The following SLIT3 variants were observed in gnomAD, a reference collection of about 807,000 sequenced individuals.
SLIT3 encodes slit guidance ligand 3, also known as slit homolog 3 protein.
In SLIT3, 68 loss-of-function variants were observed where a neutral mutation model predicts 184.0. The ratio of observed to expected loss-of-function variants is 0.37; its 90% CI spans 0.30 to 0.45. SLIT3 has a LOEUF of 0.45. SLIT3 is among the 20% of genes least tolerant of loss of function. The pLI is 1.00. For synonymous variants in SLIT3, 831 were observed against 828.6 expected (o/e 1.00, Z -0.05); for missense variants, 1,707 against 2,026.0 (o/e 0.84, Z 3.02).
intron 4 of SLIT3, among the ~76,000 whole-genome samples, chr5:168,997,762 CG>C (rs955623612): frequency 1.4e-4 from 22 of 152,244 alleles, no homozygotes; most frequent in African/African-American, 5.3e-4. Flanking sequence ...GCAACTGGCA[CG>C]GCATTTCCAA....
intron 4 of SLIT3, among the ~76,000 whole-genome samples, chr5:169,097,914 G>T (rs999474717): frequency 6.6e-6 from 1 of 152,210 alleles, no homozygotes; most frequent in Non-Finnish European, 1.5e-5. Flanking sequence ...CAAGGCCTGA[G>T]CTTTTAAAAA....
chr5:169,008,775 A>C (rs1444186663), intron 4 of SLIT3, among the ~76,000 whole-genome samples: 2 of 152,204 alleles, frequency 1.3e-5, no homozygotes, highest in African/African-American at 4.8e-5. Context: ...TCAAATGGAA[A>C]GTATTCCTGC....
Position 168,760,868 on chromosome 5 carries a change from C to T in SLIT3, c.1679G>A (p.Arg560Gln), listed in dbSNP as rs755024709. 78 of 1,612,760 alleles carry T rather than the reference C, an allele frequency of 4.8e-5. 3 individuals carry two copies. The Middle Eastern group carries it at 6.5e-3, about 133-fold the overall frequency. ...TGIFKKLPNL[R>Q]KINLSNNKIK... ...GTTCCTGAAGTTGACTTACATTTTCCGCAGGTTGGGCAACTTCTTGAAGAT... is the reference window on the plus strand; with the variant it reads ...GTTCCTGAAGTTGACTTACATTTTCTGCAGGTTGGGCAACTTCTTGAAGAT... Residue 560 changes from arginine (R) to glutamine (Q), a missense_variant, in exon 16 of 36, where the codon CGG (arginine) becomes CAG (glutamine). This residue lies in a region of SLIT3 where 1,307 missense variants were observed against 1,511.6 expected (regional missense o/e 0.86). Transcript: ENST00000519560.
intron 5 of SLIT3, among the ~76,000 whole-genome samples, chr5:168,848,663 T>A (rs1758566892): frequency 6.6e-6 from 1 of 152,096 alleles, no homozygotes; most frequent in Admixed American, 6.5e-5. Flanking sequence ...TAGAGAGGAA[T>A]CCTCCGACAA....
intron 6 of SLIT3, among the ~76,000 whole-genome samples, chr5:168,831,699 C>A (rs1460365718): frequency 1.3e-5 from 2 of 152,102 alleles, no homozygotes; most frequent in Admixed American, 6.6e-5. Flanking sequence ...GCTCTCACCG[C>A]CAAGTAACAT....
chr5:169,211,359 A>C (rs1470479050), intron 3 of SLIT3, among the ~76,000 whole-genome samples: 1 of 152,150 alleles, frequency 6.6e-6, no homozygotes, highest in Non-Finnish European at 1.5e-5. Context: ...GAACGTTTTA[A>C]AACCCATGTT....
intron 1 of SLIT3, among the ~76,000 whole-genome samples, chr5:169,265,967 G>A (rs1399145878): frequency 6.6e-6 from 1 of 152,174 alleles, no homozygotes; most frequent in African/African-American, 2.4e-5. Context: ...GTCACACAGA[G>A]GACAACCCAG....
intron 3 of SLIT3, among the ~76,000 whole-genome samples, chr5:169,197,269 C>T (rs187158493): frequency 6.6e-6 from 1 of 152,256 alleles, no homozygotes; most frequent in East Asian, 1.9e-4. Flanking sequence ...GCCTTGGGAC[C>T]TTTCCACTTA....
chr5:168,722,179 G>GGAAGGGGAGTGCTTAGT, intron 23 of SLIT3, 77 bp downstream of exon 23: 2 of 1,309,102 alleles, frequency 1.5e-6, no homozygotes, highest in Non-Finnish European at 2.2e-6. Flanking sequence ...CAGAGAGTGG[G>GGAAGGGGAGTGCTTAGT]GAAGGGGAGT....
chr5:168,823,768 C>G (rs1757612573), intron 6 of SLIT3, among the ~76,000 whole-genome samples: 1 of 152,148 alleles, frequency 6.6e-6, no homozygotes, highest in Non-Finnish European at 1.5e-5. Flanking sequence ...GGCTGAGCCA[C>G]AGGGAGGCAA....
intron 4 of SLIT3, among the ~76,000 whole-genome samples, chr5:169,029,781 G>C (rs1188313740): frequency 2.0e-5 from 3 of 152,180 alleles, no homozygotes; most frequent in Non-Finnish European, 2.9e-5. Flanking sequence ...AGAGCAGGCA[G>C]GCAGTGGTTG....
intron 28 of SLIT3, 60 bp downstream of exon 28, chr5:168,696,232 A>AAAATGGT: frequency 6.3e-7 from 1 of 1,598,702 alleles, no homozygotes; most frequent in Non-Finnish European, 8.6e-7. Flanking sequence ...GGAAGTTAAG[A>AAAATGGT]AAATGGTATT....
At chr5:168,719,756 G>T (rs1762876642) in intron 23 of SLIT3, among the ~76,000 whole-genome samples, 1 of 152,172 alleles carries the variant, frequency 6.6e-6, no homozygotes, top group Non-Finnish European at 1.5e-5. Context: ...TGTGTAATTA[G>T]TGGGAGAAAG....
At chr5:168,824,571 C>A (rs17070531) in intron 6 of SLIT3, among the ~76,000 whole-genome samples, 17,589 of 152,212 alleles carry the variant, frequency 0.12, 1,060 homozygotes, top group Non-Finnish European at 0.12. Flanking sequence ...TCAGTTACTT[C>A]AGTGACTACC....
At chr5:168,780,869 T>C (rs1755945167) in intron 12 of SLIT3, among the ~76,000 whole-genome samples, 1 of 152,206 alleles carries the variant, frequency 6.6e-6, no homozygotes, top group Non-Finnish European at 1.5e-5. Flanking sequence ...TGAGGCTGGA[T>C]GTGGGGAAGA....
At chr5:169,197,480 G>C (rs939450399) in intron 3 of SLIT3, among the ~76,000 whole-genome samples, 4 of 152,150 alleles carry the variant, frequency 2.6e-5, no homozygotes, top group Non-Finnish European at 4.4e-5. Context: ...ACAGGAAAAT[G>C]AACAGAATGA....
intron 8 of SLIT3, among the ~76,000 whole-genome samples, chr5:168,808,760 G>T (rs1361375539): frequency 6.6e-6 from 1 of 152,154 alleles, no homozygotes; most frequent in African/African-American, 2.4e-5. Flanking sequence ...GACAGCAAAG[G>T]GAATTCTACG....
chr5:169,215,869 A>G (rs536606897), intron 3 of SLIT3, among the ~76,000 whole-genome samples: 1 of 152,348 alleles, frequency 6.6e-6, no homozygotes, highest in South Asian at 2.1e-4. Flanking sequence ...CCTCATGTCT[A>G]AAGCCCTTTA....
intron 4 of SLIT3, among the ~76,000 whole-genome samples, chr5:168,924,045 G>T (rs2113135451): frequency 6.6e-6 from 1 of 152,338 alleles, no homozygotes; most frequent in South Asian, 2.1e-4. Flanking sequence ...GTCCTTTACA[G>T]AATGGGTTTG....
Sources: gnomAD v4.1 joint callset for allele counts (sites outside exome capture counted in the v4.1 genomes callset) on GRCh38, gnomAD v4.1.1 for gene constraint, gnomAD v4.1.1 regional missense constraint, MANE v1.5 for transcripts, NCBI Gene and HGNC (gene_info 2026-07-23, HGNC 2026-07-21) for gene names.